EBF1: variants seen among roughly 807,000 people sequenced by gnomAD.
EBF1 encodes the protein transcription factor COE1.
Under a neutral mutation model 68.4 loss-of-function variants are expected in EBF1, and 10 were observed. The ratio of observed to expected loss-of-function variants is 0.15; its 90% CI spans 0.09 to 0.25. The LOEUF (loss-of-function observed/expected upper bound fraction) is 0.25. Ranked by LOEUF, EBF1 falls within the 10% of genes least tolerant of loss-of-function variation. The pLI is 1.00. For missense variants in EBF1, 509 were observed against 794.4 expected, an observed-to-expected ratio of 0.64 and a Z score of 4.32; for synonymous variants, 298 against 299.8, an observed-to-expected ratio of 0.99 and a Z score of 0.06.
intron 9 of EBF1, among the ~76,000 whole-genome samples, chr5:158,790,229 A>G (rs986359180): frequency 1.3e-5 from 2 of 152,256 alleles, no homozygotes; most frequent in Non-Finnish European, 2.9e-5. Flanking sequence ...CTACAAAATC[A>G]TATAGCATCT....
intron 9 of EBF1, among the ~76,000 whole-genome samples, chr5:158,777,986 C>A (rs181857951): frequency 6.6e-6 from 1 of 152,274 alleles, no homozygotes; most frequent in East Asian, 1.9e-4. Flanking sequence ...CTGCGGAGTG[C>A]ACGTATGAAG....
At chr5:159,011,830 A>G (rs1290556666) in intron 6 of EBF1, among the ~76,000 whole-genome samples, 1 of 152,272 alleles carries the variant, frequency 6.6e-6, no homozygotes, top group Admixed American at 6.5e-5. Context: ...GGTTCTGCTA[A>G]GAAAAAATAT....
intron 6 of EBF1, among the ~76,000 whole-genome samples, chr5:158,866,606 A>T (rs944638658): frequency 2.0e-5 from 3 of 151,866 alleles, no homozygotes; most frequent in Non-Finnish European, 4.4e-5. Flanking sequence ...CTAATCATCC[A>T]TACCGGGCCC....
At chr5:158,700,006 A>C (rs1035739730) in intron 15 of EBF1, among the ~76,000 whole-genome samples, 5 of 152,236 alleles carry the variant, frequency 3.3e-5, no homozygotes, top group African/African-American at 9.6e-5. Flanking sequence ...CAGCTTCTGT[A>C]GCTAGAATCA....
At chr5:158,795,323 G>A (rs2127741374) in intron 9 of EBF1, among the ~76,000 whole-genome samples, 1 of 152,304 alleles carries the variant, frequency 6.6e-6, no homozygotes, top group African/African-American at 2.4e-5. Flanking sequence ...CTCTGGCTAT[G>A]TAACTATTTG....
intron 6 of EBF1, among the ~76,000 whole-genome samples, chr5:158,872,643 C>T (rs974140391): frequency 1.3e-5 from 2 of 152,244 alleles, no homozygotes; most frequent in Admixed American, 1.3e-4. Flanking sequence ...CTAAGAACTA[C>T]ATAATTTATT....
chr5:158,748,721 CTGCCCT>C (rs1472562409), intron 10 of EBF1, among the ~76,000 whole-genome samples: 1 of 152,146 alleles, frequency 6.6e-6, no homozygotes, highest in East Asian at 1.9e-4. Context: ...TCAAATAATG[CTGCCCT>C]TGCAAAATTG....
intron 6 of EBF1, among the ~76,000 whole-genome samples, chr5:158,954,013 T>G (rs1049010989): frequency 6.6e-6 from 1 of 152,230 alleles, no homozygotes; most frequent in African/African-American, 2.4e-5. Flanking sequence ...GATGTCAGAT[T>G]TCACACAATG....
chr5:158,899,816 G>A (rs1802905974), intron 6 of EBF1, among the ~76,000 whole-genome samples: 1 of 152,176 alleles, frequency 6.6e-6, no homozygotes, highest in African/African-American at 2.4e-5. Context: ...TTTTAGGATG[G>A]CCATTTCCAT....
At chr5:158,758,217 C>G (rs913121090) in intron 10 of EBF1, among the ~76,000 whole-genome samples, 1 of 152,220 alleles carries the variant, frequency 6.6e-6, no homozygotes, top group Non-Finnish European at 1.5e-5. Flanking sequence ...TTGATCCATT[C>G]ATTTACTTAA....
chr5:159,096,501 G>A (rs1348953094), intron 2 of EBF1, 95 bp from the exon 3 acceptor site: 11 of 1,443,952 alleles, frequency 7.6e-6, no homozygotes, highest in Non-Finnish European at 1.0e-5. Flanking sequence ...CCCCAAGCCG[G>A]GACCCCCGCT....
intron 1 of EBF1, 142 bp downstream of exon 1, chr5:159,099,203 C>G (rs1038925414): frequency 5.3e-6 from 3 of 568,588 alleles, no homozygotes; most frequent in Non-Finnish European, 5.1e-6. Flanking sequence ...CGCGGAGCCC[C>G]GGCGGAGAGC....
intron 8 of EBF1, among the ~76,000 whole-genome samples, chr5:158,822,259 CGGATGGACGGATGGATGGATGGATGGAT>C (rs1384658205): frequency 3.9e-5 from 5 of 129,642 alleles, no homozygotes; most frequent in Non-Finnish European, 8.3e-5. Flanking sequence ...CTTGGATGGA[CGGATGGACGGATGGATGGATGGATGGAT>C]GGATGGATGG....
rs973689192 is a variant in EBF1 at position 158,750,776 on chromosome 5, C to A, written c.1037-19619G>T. Among the ~76,000 whole-genome samples the A allele has an allele frequency of 2.6e-5, 4 of 151,138 alleles. No homozygotes were observed. In the East Asian group the frequency reaches 7.8e-4, roughly 29 times the overall value. ...AAATCTACCACTTGCAAAAAAAAAT[C>A]ATTTAGGGCATTTAAAAAAAAATCT... On this transcript the variant is annotated intron_variant, in intron 10 of 15. Transcript: ENST00000313708.
chr5:159,075,873 C>A (rs1336039780), intron 5 of EBF1, among the ~76,000 whole-genome samples: 5 of 152,176 alleles, frequency 3.3e-5, no homozygotes. Flanking sequence ...TTCAATCTGA[C>A]CTCAGGCCCA....
intron 7 of EBF1, among the ~76,000 whole-genome samples, chr5:158,837,800 T>C (rs1789168566): frequency 6.6e-6 from 1 of 152,196 alleles, no homozygotes; most frequent in African/African-American, 2.4e-5. Flanking sequence ...CAAACTCTGC[T>C]GCCCTAAGAG....
At chr5:159,053,731 T>A (rs1013133635) in intron 6 of EBF1, among the ~76,000 whole-genome samples, 1 of 152,286 alleles carries the variant, frequency 6.6e-6, no homozygotes, top group East Asian at 1.9e-4. Context: ...TGAGTATATG[T>A]ACCCCGGAAT....
chr5:158,895,266 TA>T (rs376076879), intron 6 of EBF1, among the ~76,000 whole-genome samples: 1 of 152,004 alleles, frequency 6.6e-6, no homozygotes, highest in Non-Finnish European at 1.5e-5. Flanking sequence ...AAAAACGCAG[TA>T]AAAAAATAAC....
chr5:158,834,799 C>T lies in EBF1; in HGVS notation c.636+5230G>A, dbSNP rs576121477. 1.4e-4 allele frequency among the ~76,000 whole-genome samples: 21 copies of T among 152,314 alleles called. No individual in the cohort carries two copies. In the South Asian group the frequency reaches 3.7e-3, roughly 27 times the overall value. ...CCCTGATTGCTGTTCAGAGGAGACA[C>T]GCTCCTGCGTTGCTATATGAAGATC... On this transcript the variant is annotated intron_variant, in intron 7 of 15. Transcript: ENST00000313708.
Sources: gnomAD v4.1 joint callset for allele counts (sites outside exome capture counted in the v4.1 genomes callset) on GRCh38, gnomAD v4.1.1 for gene constraint, MANE v1.5 for transcripts, NCBI Gene and HGNC (gene_info 2026-07-23, HGNC 2026-07-21) for gene names.